The following APAF1 variants were observed in gnomAD, a reference collection of about 807,000 sequenced individuals.
APAF1 encodes the protein apoptotic protease-activating factor 1.
A neutral mutation model predicts 152.4 loss-of-function variants in APAF1; 91 were observed. The observed-to-expected ratio is 0.60, with a 90% confidence interval of 0.50 to 0.71. The LOEUF (loss-of-function observed/expected upper bound fraction) is 0.71. APAF1 is among the 30% of genes least tolerant of loss of function. The pLI is 0.00. For missense variants in APAF1, 1,283 were observed against 1,472.0 expected (o/e 0.87, Z 2.10); for synonymous variants, 484 against 494.1 (o/e 0.98, Z 0.27).
chr12:98,698,929 C>T (rs1368976135), intron 16 of APAF1, among the ~76,000 whole-genome samples: 2 of 152,220 alleles, frequency 1.3e-5, no homozygotes, highest in Non-Finnish European at 2.9e-5. Flanking sequence ...TTGCTTGTCC[C>T]TGTTTTCAGA....
chr12:98,689,200 C>A (rs533094584), intron 16 of APAF1, among the ~76,000 whole-genome samples: 1 of 152,232 alleles, frequency 6.6e-6, no homozygotes, highest in South Asian at 2.1e-4. Flanking sequence ...GGTTCTTCAC[C>A]TTCCGTCATT....
chr12:98,712,338 G>A lies in APAF1; in HGVS notation c.2861G>A (p.Gly954Asp), dbSNP rs140836008. ...RRLQLINGRT[G>D]QIDYLTEAQV... ...CATTAGCTCATTAATGGAAGAACAG[G>A]TCAGATTGATTATCTGACTGAAGCT... Residue 954 changes from glycine (G) to aspartate (D), a missense_variant, in exon 21 of 27, where the codon GGT becomes GAT. Gly to Asp is a moderately conservative substitution (Grantham distance 94, BLOSUM62 -1). Coordinates refer to ENST00000551964, the MANE Select transcript of APAF1 (RefSeq NM_181861.2). The A allele has an allele frequency of 6.2e-7, 1 of 1,611,014 alleles. No homozygotes were observed. Among genetic ancestry groups the A allele is most frequent in the South Asian group, 1.1e-5 (1 of 91,040 alleles).
chr12:98,725,453 G>T lies in APAF1; in HGVS notation c.3369G>T (p.Leu1123Phe), dbSNP rs1342072892. 1 of 1,614,012 alleles carries T rather than the reference G, an allele frequency of 6.2e-7. No individual in the cohort carries two copies. Residue 1123 changes from leucine to phenylalanine, a missense_variant, in exon 25 of 27, where the codon TTG (leucine) becomes TTT (phenylalanine). Transcript: ENST00000551964. ...ATCTCCTTTTGCCACTTCATGAATT[G>T]AGGGGCCACAACGGCTGTGTGCGCT... Reference protein sequence around the residue: ...SFDLLLPLHELRGHNGCVRCS... With the variant: ...SFDLLLPLHEFRGHNGCVRCS...
chr12:98,658,512 A>G (rs1440334973), intron 4 of APAF1, among the ~76,000 whole-genome samples: 1 of 152,184 alleles, frequency 6.6e-6, no homozygotes. Flanking sequence ...CAGTATAATC[A>G]ATGAGACTGA....
chr12:98,686,074 T>C (rs947560741), intron 15 of APAF1, among the ~76,000 whole-genome samples: 2 of 152,260 alleles, frequency 1.3e-5, no homozygotes, highest in Non-Finnish European at 2.9e-5. Context: ...TAATAAAATA[T>C]AGTTTTGTAA....
chr12:98,698,413 T>G (rs1191007411), intron 16 of APAF1, among the ~76,000 whole-genome samples: 1 of 152,172 alleles, frequency 6.6e-6, no homozygotes, highest in Non-Finnish European at 1.5e-5. Context: ...TAACTGAAGG[T>G]TCAGGCTTTT....
chr12:98,671,013 C>G lies in APAF1; in HGVS notation c.1535C>G (p.Ala512Gly). 1 of 1,612,634 alleles carries G rather than the reference C, an allele frequency of 6.2e-7. No homozygotes were observed. Among genetic ancestry groups the G allele is most frequent in the South Asian group, 1.1e-5 (1 of 91,038 alleles). ...ATGTTTTCCCTGGATTGGATTAAAG[C>G]AAAAACAGAACTTGTAGGCCCTGCT... ...ALMFSLDWIK[A>G]KTELVGPAHL... The change falls in exon 11 of 27, where the codon GCA (alanine) becomes GGA (glycine). Residue 512 changes from alanine (A) to glycine (G), a missense_variant. By Grantham distance (60) the Ala-to-Gly change is moderately conservative. Coordinates refer to ENST00000551964, the MANE Select transcript of APAF1 (RefSeq NM_181861.2).
At chr12:98,695,677 G>A (rs1305074737) in intron 16 of APAF1, among the ~76,000 whole-genome samples, 1 of 152,220 alleles carries the variant, frequency 6.6e-6, no homozygotes, top group Non-Finnish European at 1.5e-5. Context: ...GTTGGGTATA[G>A]AATAGCCTTG....
intron 20 of APAF1, among the ~76,000 whole-genome samples, chr12:98,709,798 A>G (rs2097725881): frequency 6.6e-6 from 1 of 152,196 alleles, no homozygotes; most frequent in South Asian, 2.1e-4. Flanking sequence ...CTGGTGGGAC[A>G]TTCTCCCTTG....
Position 98,734,748 on chromosome 12 carries a change from C to A in APAF1, c.*2182C>A, listed in dbSNP as rs2153346760. On this transcript the variant is annotated 3_prime_UTR_variant, in exon 27 of 27. Coordinates refer to ENST00000551964, the MANE Select transcript of APAF1 (RefSeq NM_181861.2). ...ATTTAAGCAAATGTGAAAAGTGAAA[C>A]CTTAATTTTATCAAAAGAAATTTCT... The A allele has an allele frequency of 6.4e-6, 1 of 156,366 alleles. No homozygotes were observed. The highest frequency in any genetic ancestry group is 1.8e-4 in the East Asian group (1 of 5,570). The allele number at this position is 156,366 out of a possible 1,614,324, so 9.7% of individuals were successfully genotyped here. A position where few individuals can be genotyped will look rare whatever the true frequency, so the allele number is the denominator to read the frequency against.
chr12:98,722,047 C>T (rs1281350198), intron 22 of APAF1, among the ~76,000 whole-genome samples: 2 of 152,258 alleles, frequency 1.3e-5, no homozygotes, highest in East Asian at 3.9e-4. Context: ...GGATACCTTC[C>T]CAACCTTTTT....
chr12:98,724,775 G>GTTT (rs2097748030), intron 24 of APAF1, among the ~76,000 whole-genome samples: 1 of 152,162 alleles, frequency 6.6e-6, no homozygotes, highest in Non-Finnish European at 1.5e-5. Context: ...CAAGGATAGT[G>GTTT]ACTGTAGCTA....
intron 16 of APAF1, among the ~76,000 whole-genome samples, chr12:98,694,198 C>A (rs971238382): frequency 7.9e-5 from 12 of 152,198 alleles, no homozygotes; most frequent in African/African-American, 2.9e-4. Context: ...AAATACCCTT[C>A]TTGACATCAG....
intron 22 of APAF1, among the ~76,000 whole-genome samples, chr12:98,722,829 A>G (rs1236329089): frequency 6.6e-6 from 1 of 152,070 alleles, no homozygotes; most frequent in Non-Finnish European, 1.5e-5. Flanking sequence ...GTAGGTTCAG[A>G]AATCTGTGAC....
intron 3 of APAF1, 79 bp from the exon 4 acceptor site, chr12:98,649,408 C>T: frequency 3.3e-6 from 5 of 1,522,666 alleles, no homozygotes; most frequent in South Asian, 1.1e-5. Context: ...CTCAGCTTTG[C>T]TCTTTGTTTT....
chr12:98,715,328 C>T (rs1310124974), intron 21 of APAF1, 99 bp from the exon 22 acceptor site: 3 of 1,043,230 alleles, frequency 2.9e-6, no homozygotes, highest in Non-Finnish European at 4.1e-6. Flanking sequence ...GATGGAAATT[C>T]TGTACCCTCC....
intron 12 of APAF1, among the ~76,000 whole-genome samples, chr12:98,676,086 T>G (rs2097686157): frequency 6.6e-6 from 1 of 152,242 alleles, no homozygotes. Flanking sequence ...ATTTCTAAAA[T>G]AAGCACAATA....
intron 22 of APAF1, among the ~76,000 whole-genome samples, chr12:98,720,688 G>A (rs191835249): frequency 5.7e-4 from 87 of 152,230 alleles, no homozygotes; most frequent in African/African-American, 2.0e-3. Context: ...GTTTCCAGCC[G>A]GGTGCGGTGG....
At chr12:98,730,366 C>G (rs186637838) in intron 26 of APAF1, among the ~76,000 whole-genome samples, 313 of 152,342 alleles carry the variant, frequency 2.1e-3, no homozygotes, top group South Asian at 0.01. Context: ...ACAAATTTAA[C>G]TGCTCAGCTT....
Sources: gnomAD v4.1 joint callset for allele counts (sites outside exome capture counted in the v4.1 genomes callset) on GRCh38, gnomAD v4.1.1 for gene constraint, MANE v1.5 for transcripts, NCBI Gene and HGNC (gene_info 2026-07-23, HGNC 2026-07-21) for gene names.